The following SLC39A10 variants were observed in gnomAD, a reference collection of about 807,000 sequenced individuals.
The protein encoded by SLC39A10 is solute carrier family 39 member 10.
Under a neutral mutation model 65.1 loss-of-function variants are expected in SLC39A10, and 13 were observed. The observed-to-expected ratio is 0.20, with a 90% CI of 0.13 to 0.32. The LOEUF (loss-of-function observed/expected upper bound fraction) is 0.32. Among genes scored for constraint, SLC39A10 ranks in the 10% least tolerant of loss-of-function variants. The pLI is 1.00. For synonymous variants in SLC39A10, 321 were observed against 342.2 expected (o/e 0.94, Z 0.68); for missense variants, 831 against 1,018.4 (o/e 0.82, Z 2.50).
chr2:195,666,251 A>G (rs1056444888), intron 1 of SLC39A10, among the ~76,000 whole-genome samples: 1 of 152,226 alleles, frequency 6.6e-6, no homozygotes, highest in Non-Finnish European at 1.5e-5. Flanking sequence ...ATGTTATACA[A>G]AGATTGACTT....
At chr2:195,723,273 G>A (rs1265782376) in intron 8 of SLC39A10, among the ~76,000 whole-genome samples, 2 of 152,082 alleles carry the variant, frequency 1.3e-5, no homozygotes, top group Non-Finnish European at 1.5e-5. Flanking sequence ...TGTGTTTGCC[G>A]AACTTATGTA....
At position 195,649,790 on chromosome 2, in the gene SLC39A10, C is replaced by T. The variant is rs16838152; in HGVS notation, c.-11-30242C>T. 7.7e-3 allele frequency among the ~76,000 whole-genome samples: 1,165 copies of T among 152,234 alleles called. 8 individuals carry two copies. Among genetic ancestry groups the T allele is most frequent in the Non-Finnish European group, 0.012 (850 of 68,024 alleles). ...TCTGCTGTGCCAGTAGAGTTGCAAA[C>T]GACCTAAAATGGCTACCTACCACAC... On this transcript the variant is annotated intron_variant, in intron 2 of 2. Coordinates refer to the SLC39A10 transcript ENST00000458054.
At chr2:195,640,588 A>G (rs182416373) in intron 2 of SLC39A10, among the ~76,000 whole-genome samples, 5 of 152,352 alleles carry the variant, frequency 3.3e-5, no homozygotes, top group Admixed American at 2.6e-4. Context: ...GAATGCCAAC[A>G]GTGCAGGATT....
At chr2:195,715,525 CAAAAAAAA>C (rs545656309) in intron 6 of SLC39A10, among the ~76,000 whole-genome samples, 3 of 61,596 alleles carry the variant, frequency 4.9e-5, no homozygotes, top group Non-Finnish European at 1.0e-4. Context: ...GACTCTGTCT[CAAAAAAAA>C]AAAAAAAAAA....
chr2:195,670,208 A>G (rs1689802046), intron 1 of SLC39A10, among the ~76,000 whole-genome samples: 2 of 147,522 alleles, frequency 1.4e-5, no homozygotes, highest in East Asian at 2.0e-4. Context: ...AGAAATTGCT[A>G]TGGAGAATAT....
chr2:195,696,143 G>A (rs1690947798), intron 3 of SLC39A10, among the ~76,000 whole-genome samples: 1 of 152,020 alleles, frequency 6.6e-6, no homozygotes, highest in African/African-American at 2.4e-5. Flanking sequence ...CCATTGGTAT[G>A]TCTGTTTTTA....
At chr2:195,640,426 G>A (rs1183098550) in intron 2 of SLC39A10, among the ~76,000 whole-genome samples, 1 of 151,468 alleles carries the variant, frequency 6.6e-6, no homozygotes, top group African/African-American at 2.4e-5. Flanking sequence ...TATCTGATGA[G>A]GTTGAGCCAA....
upstream of SLC39A10, chr2:195,656,731 T>C (rs538358207): frequency 1.3e-5 from 2 of 152,370 alleles, no homozygotes; most frequent in Admixed American, 6.5e-5. Flanking sequence ...TTAACTCGTA[T>C]ACAGATGAAC....
intron 3 of SLC39A10, among the ~76,000 whole-genome samples, chr2:195,691,016 C>T (rs756040327): frequency 2.6e-5 from 4 of 152,086 alleles, no homozygotes; most frequent in Non-Finnish European, 5.9e-5. Context: ...CCACCCTTTC[C>T]GCTGAGTCCC....
chr2:195,620,473 T>G (rs1040027519), intron 2 of SLC39A10, among the ~76,000 whole-genome samples: 2 of 152,210 alleles, frequency 1.3e-5, no homozygotes, highest in African/African-American at 4.8e-5. Context: ...CAAAACTTCC[T>G]GAGGTGAAAG....
chr2:195,633,641 G>A (rs913029534), intron 2 of SLC39A10, among the ~76,000 whole-genome samples: 2 of 152,196 alleles, frequency 1.3e-5, no homozygotes, highest in Non-Finnish European at 1.5e-5. Context: ...TATTGCCAAT[G>A]GAAGTGCCTC....
At chr2:195,721,225 C>T (rs1692025467) in intron 8 of SLC39A10, among the ~76,000 whole-genome samples, 1 of 152,324 alleles carries the variant, frequency 6.6e-6, no homozygotes, top group South Asian at 2.1e-4. Context: ...CAGGTGTGAG[C>T]CACCACGCCC....
At chr2:195,723,257 C>A (rs1692115175) in intron 8 of SLC39A10, among the ~76,000 whole-genome samples, 1 of 152,204 alleles carries the variant, frequency 6.6e-6, no homozygotes, top group Non-Finnish European at 1.5e-5. Context: ...TCACTACTCT[C>A]TTTTCTGTGT....
At chr2:195,650,684 C>T (rs1220745053) in intron 2 of SLC39A10, among the ~76,000 whole-genome samples, 1 of 151,994 alleles carries the variant, frequency 6.6e-6, no homozygotes, top group Non-Finnish European at 1.5e-5. Context: ...ATTTTTGTGT[C>T]AATTGTTTCA....
chr2:195,685,226 T>A (rs1003668619), intron 3 of SLC39A10, among the ~76,000 whole-genome samples: 8 of 152,214 alleles, frequency 5.3e-5, no homozygotes, highest in Admixed American at 4.6e-4. Context: ...TCTGAGTATC[T>A]AATCCCTATG....
chr2:195,697,916 A>G (rs1691030676), intron 3 of SLC39A10, among the ~76,000 whole-genome samples: 1 of 152,278 alleles, frequency 6.6e-6, no homozygotes, highest in South Asian at 2.1e-4. Flanking sequence ...TTCATTGTAC[A>G]GGTCTTCTAC....
intron 3 of SLC39A10, among the ~76,000 whole-genome samples, chr2:195,701,014 C>A (rs367869464): frequency 1.4e-5 from 2 of 147,586 alleles, no homozygotes; most frequent in Non-Finnish European, 3.0e-5. Flanking sequence ...CCCTCCCCCC[C>A]ACCCCACCCC....
upstream of SLC39A10, among the ~76,000 whole-genome samples, chr2:195,652,451 A>C (rs770835393): frequency 1.3e-5 from 2 of 150,500 alleles, no homozygotes; most frequent in Non-Finnish European, 3.0e-5. Flanking sequence ...CGGGAGGCTG[A>C]GGCAGGAGAA....
intron 8 of SLC39A10, among the ~76,000 whole-genome samples, chr2:195,727,507 T>G (rs1316532514): frequency 2.0e-5 from 3 of 147,392 alleles, no homozygotes; most frequent in Admixed American, 1.4e-4. Flanking sequence ...TTTTAGAATT[T>G]TCAGGATTAA....
Sources: gnomAD v4.1 joint callset for allele counts (sites outside exome capture counted in the v4.1 genomes callset) on GRCh38, gnomAD v4.1.1 for gene constraint, MANE v1.5 for transcripts, NCBI Gene and HGNC (gene_info 2026-07-23, HGNC 2026-07-21) for gene names.